Variants in EXT1 observed in about 807,000 individuals in gnomAD.
The protein encoded by EXT1 is exostosin-1.
A neutral mutation model predicts 82.5 loss-of-function variants in EXT1; 20 were observed. The ratio of observed to expected loss-of-function variants is 0.24; its 90% CI spans 0.17 to 0.35. The LOEUF (loss-of-function observed/expected upper bound fraction) is 0.35. EXT1 is among the 10% of genes least tolerant of loss of function. EXT1 has a pLI of 1.00. For synonymous variants in EXT1, 348 were observed against 350.8 expected (o/e 0.99, Z 0.09); for missense variants, 757 against 936.5 (o/e 0.81, Z 2.50).
intron 7 of EXT1, among the ~76,000 whole-genome samples, chr8:117,814,329 G>T (rs1233445257): frequency 6.6e-6 from 1 of 151,730 alleles, no homozygotes; most frequent in Admixed American, 6.6e-5. Flanking sequence ...CCCTGTGATA[G>T]TCACAACTTA....
chr8:117,954,500 C>A (rs1395489375), intron 1 of EXT1, among the ~76,000 whole-genome samples: 1 of 152,174 alleles, frequency 6.6e-6, no homozygotes, highest in Admixed American at 6.5e-5. Flanking sequence ...TGAGCCAACT[C>A]TGAAGCTCCC....
At chr8:117,974,749 G>A (rs1815031391) in intron 1 of EXT1, among the ~76,000 whole-genome samples, 1 of 152,164 alleles carries the variant, frequency 6.6e-6, no homozygotes. Flanking sequence ...TTACAGGCAT[G>A]AGCCACCACA....
intron 1 of EXT1, among the ~76,000 whole-genome samples, chr8:118,012,607 C>G (rs1453246083): frequency 6.6e-6 from 1 of 152,232 alleles, no homozygotes; most frequent in Non-Finnish European, 1.5e-5. Flanking sequence ...GAAATTCCAG[C>G]TCTGCGTCTC....
At chr8:118,090,672 G>A (rs1341787997) in intron 1 of EXT1, among the ~76,000 whole-genome samples, 7 of 149,854 alleles carry the variant, frequency 4.7e-5, no homozygotes, top group Non-Finnish European at 1.0e-4. Context: ...CCAGCTACTC[G>A]GGAAGCTGAT....
intron 1 of EXT1, among the ~76,000 whole-genome samples, chr8:118,003,943 T>C (rs1052329266): frequency 6.6e-6 from 1 of 152,218 alleles, no homozygotes. Flanking sequence ...CACATTCTAA[T>C]ATGTTTACAA....
At chr8:117,972,330 T>C (rs1393317300) in intron 1 of EXT1, among the ~76,000 whole-genome samples, 1 of 152,230 alleles carries the variant, frequency 6.6e-6, no homozygotes, top group Admixed American at 6.5e-5. Flanking sequence ...CGTGGAGGTA[T>C]ATTTACTGTT....
chr8:118,089,999 C>T (rs903705421), intron 1 of EXT1, among the ~76,000 whole-genome samples: 2 of 152,162 alleles, frequency 1.3e-5, no homozygotes, highest in Admixed American at 6.5e-5. Flanking sequence ...TAAGTACCTC[C>T]GATGGTCCCT....
chr8:117,936,292 TCA>T (rs1814160966), intron 1 of EXT1, among the ~76,000 whole-genome samples: 1 of 152,212 alleles, frequency 6.6e-6, no homozygotes, highest in Non-Finnish European at 1.5e-5. Flanking sequence ...TACCCCACTG[TCA>T]CAGACTCCAC....
chr8:117,806,959 C>T (rs1320522086), intron 9 of EXT1, among the ~76,000 whole-genome samples: 1 of 152,116 alleles, frequency 6.6e-6, no homozygotes, highest in Non-Finnish European at 1.5e-5. Flanking sequence ...TATTCAGTTA[C>T]CTAATATGCC....
At chr8:117,822,415 T>A (rs1382530460) in intron 5 of EXT1, 50 bp downstream of exon 5, 5 of 1,604,150 alleles carry the variant, frequency 3.1e-6, no homozygotes, top group Non-Finnish European at 4.3e-6. Flanking sequence ...TAGTTCTGTA[T>A]GACATCTTCA....
intron 1 of EXT1, among the ~76,000 whole-genome samples, chr8:117,876,099 G>C (rs998879757): frequency 3.3e-5 from 5 of 152,224 alleles, no homozygotes; most frequent in African/African-American, 1.2e-4. Flanking sequence ...CCTTGGCCTA[G>C]GGGCACTAAG....
chr8:118,090,297 C>T (rs546245489), intron 1 of EXT1, among the ~76,000 whole-genome samples: 6 of 152,192 alleles, frequency 3.9e-5, no homozygotes, highest in Non-Finnish European at 4.4e-5. Flanking sequence ...TGGTGGCACA[C>T]GTCCTGCTGG....
intron 1 of EXT1, among the ~76,000 whole-genome samples, chr8:118,060,221 AG>A (rs1452214773): frequency 6.6e-6 from 1 of 152,240 alleles, no homozygotes; most frequent in Non-Finnish European, 1.5e-5. Context: ...CCTTTAGTCA[AG>A]GACCAATAGA....
chr8:117,877,920 A>G (rs549744012), intron 1 of EXT1, among the ~76,000 whole-genome samples: 5 of 152,362 alleles, frequency 3.3e-5, no homozygotes, highest in Admixed American at 1.3e-4. Flanking sequence ...CACCTTGGTT[A>G]TAATAAACTG....
At chr8:117,961,060 T>C (rs1056911561) in intron 1 of EXT1, among the ~76,000 whole-genome samples, 4 of 152,216 alleles carry the variant, frequency 2.6e-5, no homozygotes, top group African/African-American at 9.6e-5. Flanking sequence ...TACTTTGGCA[T>C]TGAGGAAACT....
At chr8:117,999,370 T>C (rs1815611375) in intron 1 of EXT1, among the ~76,000 whole-genome samples, 1 of 152,194 alleles carries the variant, frequency 6.6e-6, no homozygotes, top group Non-Finnish European at 1.5e-5. Context: ...AGGGCAAATC[T>C]TCTAGAAAAT....
chr8:117,808,686 C>A (rs1031166104), intron 8 of EXT1, among the ~76,000 whole-genome samples: 3 of 152,176 alleles, frequency 2.0e-5, no homozygotes, highest in Non-Finnish European at 2.9e-5. Flanking sequence ...AGGTCCAGGT[C>A]CTGCCCTCTC....
At chr8:117,843,947 G>A (rs1472675187) in intron 1 of EXT1, among the ~76,000 whole-genome samples, 2 of 151,984 alleles carry the variant, frequency 1.3e-5, no homozygotes, top group African/African-American at 4.8e-5. Flanking sequence ...GTCCTAAGCA[G>A]TTCACCTAGT....
chr8:118,072,171 G>A (rs1817107146), intron 1 of EXT1, among the ~76,000 whole-genome samples: 1 of 152,186 alleles, frequency 6.6e-6, no homozygotes, highest in Non-Finnish European at 1.5e-5. Context: ...GGTACACGGT[G>A]AGCATGAAAT....
Sources: allele counts gnomAD v4.1 joint callset (sites outside exome capture counted in the v4.1 genomes callset), GRCh38; gene constraint gnomAD v4.1.1; transcripts MANE v1.5; gene names NCBI Gene and HGNC (gene_info 2026-07-23, HGNC 2026-07-21).